Variants in NAALADL2 observed in about 807,000 individuals in gnomAD.
NAALADL2 encodes N-acetylated alpha-linked acidic dipeptidase like 2.
NAALADL2 carries 76 observed loss-of-function variants against 87.2 expected under a neutral mutation model. That is an observed-to-expected ratio of 0.87 (90% confidence interval 0.72 to 1.05). The LOEUF (loss-of-function observed/expected upper bound fraction) is 1.05. Ranked by LOEUF, NAALADL2 falls within the 50% of genes least tolerant of loss-of-function variation. The probability of loss-of-function intolerance (pLI) is 0.00; values close to 1 mark genes in which losing one functional copy is unlikely to be tolerated. For synonymous variants in NAALADL2, 354 were observed against 331.0 expected (o/e 1.07, Z -0.75); for missense variants, 1,089 against 945.8 (o/e 1.15, Z -1.99).
At chr3:175,537,024 C>T (rs1429634708) in intron 9 of NAALADL2, among the ~76,000 whole-genome samples, 1 of 152,180 alleles carries the variant, frequency 6.6e-6, no homozygotes, top group African/African-American at 2.4e-5. Context: ...ATTTATTGAG[C>T]TACTCTGACA....
At chr3:175,378,776 T>G (rs1312025523) in intron 5 of NAALADL2, among the ~76,000 whole-genome samples, 1 of 152,192 alleles carries the variant, frequency 6.6e-6, no homozygotes, top group Non-Finnish European at 1.5e-5. Flanking sequence ...CATGTTACTG[T>G]CTGAAAACAA....
At chr3:174,972,015 C>T (rs1291986516) in intron 1 of NAALADL2, among the ~76,000 whole-genome samples, 1 of 152,024 alleles carries the variant, frequency 6.6e-6, no homozygotes, top group Non-Finnish European at 1.5e-5. Context: ...CTTTCACCTA[C>T]ATAACATACT....
chr3:175,445,557 A>G (rs571863720), intron 5 of NAALADL2, among the ~76,000 whole-genome samples: 5 of 152,216 alleles, frequency 3.3e-5, no homozygotes, highest in African/African-American at 1.2e-4. Context: ...TACCACTTTG[A>G]GAGATAGAGA....
chr3:175,550,742 T>A (rs1714198162), intron 9 of NAALADL2, among the ~76,000 whole-genome samples: 1 of 152,166 alleles, frequency 6.6e-6, no homozygotes. Flanking sequence ...GTGCAGTGGT[T>A]ATTGAGCCAG....
At chr3:175,145,352 C>T (rs1345665276) in intron 2 of NAALADL2, among the ~76,000 whole-genome samples, 3 of 152,034 alleles carry the variant, frequency 2.0e-5, no homozygotes, top group African/African-American at 7.2e-5. Flanking sequence ...ATTTCTATTT[C>T]CCAGTGACCT....
intron 5 of NAALADL2, among the ~76,000 whole-genome samples, chr3:175,445,680 T>C (rs534602888): frequency 2.4e-4 from 37 of 152,356 alleles, no homozygotes; most frequent in South Asian, 8.3e-4. Context: ...TTATTATGAC[T>C]ATGTAAATAT....
intron 13 of NAALADL2, among the ~76,000 whole-genome samples, chr3:175,772,882 A>G (rs6792776): frequency 0.29 from 43,807 of 152,050 alleles, 7,550 homozygotes; most frequent in African/African-American, 0.48. Context: ...GCAACATTTT[A>G]GTGTTTCTCC....
chr3:175,566,821 A>G (rs1001511051), intron 9 of NAALADL2, among the ~76,000 whole-genome samples: 3 of 152,082 alleles, frequency 2.0e-5, no homozygotes, highest in Non-Finnish European at 2.9e-5. Flanking sequence ...CTGTTAAATA[A>G]TTTGTAAATA....
In NAALADL2 at chr3:175,803,859, T is replaced by TTC. The variant is rs1436590098; in HGVS notation, c.*656_*657insTC. 2.1e-5 allele frequency: 3 copies of TTC among 145,988 alleles called. No homozygotes were observed. Among genetic ancestry groups the TTC allele is most frequent in the Non-Finnish European group, 4.7e-5 (3 of 63,422 alleles). 9.0% of individuals were successfully genotyped at this position (145,988 alleles called of 1,614,324 possible). Reference sequence around the variant, plus strand: ...AGGGAGCTACATAGAGCAATTTAAATGCAAATTTTTTTCCTAACAACTTAC... The same window carrying TTC: ...AGGGAGCTACATAGAGCAATTTAAATTCGCAAATTTTTTTCCTAACAACTTAC... On this transcript the variant is annotated 3_prime_UTR_variant, in exon 14 of 14. Transcript: ENST00000454872.
intron 2 of NAALADL2, among the ~76,000 whole-genome samples, chr3:174,608,582 T>C (rs1271670976): frequency 1.3e-5 from 2 of 151,880 alleles, no homozygotes; most frequent in Admixed American, 1.3e-4. Context: ...ATAAATTCCT[T>C]GACACATACA....
chr3:175,159,099 A>T lies in NAALADL2; in HGVS notation c.545+61808A>T, dbSNP rs369655438. ...AATTTGGATTCCAACAAAAGCATAT[A>T]AATTCAGATCGATTCTTTTAGCTTA... is the stretch of plus-strand genomic sequence containing the variant. On this transcript the variant is annotated intron_variant, in intron 2 of 13. Coordinates refer to ENST00000454872, the MANE Select transcript of NAALADL2 (RefSeq NM_207015.3). Among the ~76,000 whole-genome samples, 4 of 152,182 alleles carry T rather than the reference A, an allele frequency of 2.6e-5. No individual in the cohort carries two copies. The South Asian group carries it at 6.2e-4, about 24-fold the overall frequency.
intron 1 of NAALADL2, among the ~76,000 whole-genome samples, chr3:175,095,180 C>T (rs1258250445): frequency 6.6e-6 from 1 of 151,894 alleles, no homozygotes; most frequent in African/African-American, 2.4e-5. Flanking sequence ...GTAAATTTTC[C>T]CCTTCCTGGG....
At chr3:175,684,757 C>T (rs535042812) in intron 11 of NAALADL2, among the ~76,000 whole-genome samples, 381 of 152,080 alleles carry the variant, frequency 2.5e-3, no homozygotes, top group Non-Finnish European at 4.2e-3. Context: ...GAGCTATGAC[C>T]GCACCACTGC....
At chr3:175,094,124 T>TCA (rs149318081) in intron 1 of NAALADL2, among the ~76,000 whole-genome samples, 118 of 151,026 alleles carry the variant, frequency 7.8e-4, no homozygotes, top group African/African-American at 2.0e-3. Flanking sequence ...TCAATGTTTT[T>TCA]TAAAAAAAAA....
At chr3:174,826,315 T>A (rs576497461) in intron 3 of NAALADL2, among the ~76,000 whole-genome samples, 1 of 152,334 alleles carries the variant, frequency 6.6e-6, no homozygotes, top group Non-Finnish European at 1.5e-5. Flanking sequence ...CACTAAGAGC[T>A]AGAATGCTTG....
intron 1 of NAALADL2, among the ~76,000 whole-genome samples, chr3:174,941,229 TC>T (rs1407178548): frequency 1.3e-5 from 2 of 152,170 alleles, no homozygotes; most frequent in Non-Finnish European, 2.9e-5. Context: ...TCAAAGAACT[TC>T]TTGATTTCTG....
chr3:174,635,447 A>G (rs1220763777), intron 2 of NAALADL2, among the ~76,000 whole-genome samples: 1 of 151,772 alleles, frequency 6.6e-6, no homozygotes, highest in African/African-American at 2.4e-5. Context: ...TAAAATTAAA[A>G]TTTATTTGAA....
intron 1 of NAALADL2, among the ~76,000 whole-genome samples, chr3:174,883,496 T>A (rs946094593): frequency 2.2e-4 from 34 of 152,302 alleles, no homozygotes; most frequent in African/African-American, 8.2e-4. Flanking sequence ...TACATAAAGC[T>A]AGCAATACTT....
Position 174,651,888 on chromosome 3 carries a change from A to G in NAALADL2, c.-114-85753A>G, listed in dbSNP as rs539243368. Among the ~76,000 whole-genome samples, 3 of 152,302 alleles carry G rather than the reference A, an allele frequency of 2.0e-5. No homozygotes were observed. In the South Asian group the frequency reaches 6.2e-4, roughly 32 times the overall value. On this transcript the variant is annotated intron_variant, in intron 2 of 3. Transcript: ENST00000434257. The stretch of plus-strand genomic sequence containing the variant: ...GAAAGATTAAAATCCTATGTTTAAA[A>G]CTCAGTGGAATTTCACAAAATGAGC...
Sources: gnomAD v4.1 joint callset for allele counts (sites outside exome capture counted in the v4.1 genomes callset) on GRCh38, gnomAD v4.1.1 for gene constraint, MANE v1.5 for transcripts, NCBI Gene and HGNC (gene_info 2026-07-23, HGNC 2026-07-21) for gene names.